Variants in INPP4B observed in about 807,000 individuals in gnomAD.
INPP4B encodes inositol polyphosphate-4-phosphatase type II B.
In INPP4B, 55 loss-of-function variants were observed where a neutral mutation model predicts 122.5. That is an observed-to-expected ratio of 0.45 (90% confidence interval 0.36 to 0.56). The LOEUF (loss-of-function observed/expected upper bound fraction) is 0.56, where lower values mean the gene tolerates loss of function less well. Ranked by LOEUF, INPP4B falls within the 20% of genes least tolerant of loss-of-function variation. INPP4B has a pLI of 0.00. For missense variants in INPP4B, 1,000 were observed against 1,097.7 expected, an observed-to-expected ratio of 0.91 and a Z score of 1.26; for synonymous variants, 403 against 388.7, an observed-to-expected ratio of 1.04 and a Z score of -0.43.
At chr4:142,176,958 C>T (rs1828602693) in intron 15 of INPP4B, among the ~76,000 whole-genome samples, 1 of 152,160 alleles carries the variant, frequency 6.6e-6, no homozygotes, top group Non-Finnish European at 1.5e-5. Context: ...CTTTGGTTCC[C>T]TCTTCATTAC....
At chr4:142,555,506 A>T (rs181568382) in intron 2 of INPP4B, among the ~76,000 whole-genome samples, 35 of 152,310 alleles carry the variant, frequency 2.3e-4, no homozygotes, top group Middle Eastern at 6.8e-3. Context: ...GGTATTTTAC[A>T]GTTGATTTAT....
chr4:142,734,667 T>A (rs930983761), intron 1 of INPP4B, among the ~76,000 whole-genome samples: 71 of 152,294 alleles, frequency 4.7e-4, no homozygotes, highest in African/African-American at 1.5e-3. Flanking sequence ...TGTTTTCAGA[T>A]GGAGTTTCAC....
intron 2 of INPP4B, among the ~76,000 whole-genome samples, chr4:142,722,775 T>C (rs546565255): frequency 3.4e-4 from 52 of 152,304 alleles, no homozygotes; most frequent in Admixed American, 1.6e-3. Context: ...ATATCAGACA[T>C]AGAACCTAAT....
chr4:142,804,056 CATAAATAAATAA>C (rs369611706), intron 1 of INPP4B, among the ~76,000 whole-genome samples: 2,591 of 141,724 alleles, frequency 0.018, 26 homozygotes, highest in African/African-American at 0.028. Flanking sequence ...GAGACTCCAT[CATAAATAAATAA>C]ATAAATAAAT....
intron 8 of INPP4B, among the ~76,000 whole-genome samples, chr4:142,310,617 G>A (rs894707494): frequency 6.6e-6 from 1 of 150,746 alleles, no homozygotes; most frequent in Non-Finnish European, 1.5e-5. Flanking sequence ...TCTATCATAA[G>A]ACTGATACAC....
rs943379363 is a variant in INPP4B, at chr4:142,335,684, G to A, written c.373-20922C>T. ...AGGCAGAGTCAATCATCAAAGGGCA[G>A]AACATAGAGGAAAGTCAGTTAACTT... On this transcript the variant is annotated intron_variant, in intron 7 of 25. Transcript: ENST00000262992. Among the ~76,000 whole-genome samples, 5 of 152,312 alleles carry A rather than the reference G, an allele frequency of 3.3e-5. No individual in the cohort carries two copies. The South Asian group carries it at 1.0e-3, about 32-fold the overall frequency.
At chr4:142,491,742 G>A (rs1364502804) in intron 2 of INPP4B, among the ~76,000 whole-genome samples, 1 of 152,114 alleles carries the variant, frequency 6.6e-6, no homozygotes, top group Non-Finnish European at 1.5e-5. Context: ...TGAAAAAAAT[G>A]CTCACCATCA....
chr4:142,559,481 C>A (rs1175573205), intron 2 of INPP4B, among the ~76,000 whole-genome samples: 1 of 151,986 alleles, frequency 6.6e-6, no homozygotes, highest in African/African-American at 2.4e-5. Flanking sequence ...GGGCACTTAC[C>A]TCTCATTTTT....
rs114476042 is a variant in INPP4B at position 142,675,781 on chromosome 4, T to A, written c.-191+50058A>T. Among the ~76,000 whole-genome samples, 1,393 of 152,274 alleles carry A rather than the reference T, an allele frequency of 9.1e-3. 20 individuals carry two copies. The highest frequency in any genetic ancestry group is 0.032 in the African/African-American group (1,331 of 41,562). Reference sequence around the variant, plus strand: ...ATCTTAATAGATGCAGAAAAGGACTTTGACAAAACTCAACATCCTTCATGC... The same window carrying A: ...ATCTTAATAGATGCAGAAAAGGACTATGACAAAACTCAACATCCTTCATGC... On this transcript the variant is annotated intron_variant, in intron 2 of 25. Coordinates refer to ENST00000262992, the MANE Select transcript of INPP4B (RefSeq NM_001101669.3).
intron 10 of INPP4B, among the ~76,000 whole-genome samples, chr4:142,262,988 GAC>G (rs1487162979): frequency 6.6e-6 from 1 of 152,170 alleles, no homozygotes; most frequent in Non-Finnish European, 1.5e-5. Flanking sequence ...TCATCAGTAA[GAC>G]ATTTTCTTTC....
chr4:142,145,718 G>A lies in INPP4B; in HGVS notation c.1720+122C>T, dbSNP rs142573945. ...TCATCCAAGCCAGAGCAGTGGAAAA[G>A]CATGCTATCAGCACTCTCATCAAAG... On this transcript the variant is annotated intron_variant, in intron 18 of 25. Transcript: ENST00000262992. 3 of 910,998 alleles carry A rather than the reference G, an allele frequency of 3.3e-6. No individual in the cohort carries two copies. The Admixed American group carries it at 6.6e-5, about 20-fold the overall frequency. The allele number at this position is 910,998 out of a possible 1,614,324, so 56.4% of individuals were successfully genotyped here. A position where few individuals can be genotyped will look rare whatever the true frequency, so the allele number is the denominator to read the frequency against.
intron 2 of INPP4B, among the ~76,000 whole-genome samples, chr4:142,516,231 A>T (rs1825398652): frequency 6.6e-6 from 1 of 152,164 alleles, no homozygotes; most frequent in South Asian, 2.1e-4. Flanking sequence ...TAATCCCAGG[A>T]TATAGCCCAA....
intron 15 of INPP4B, among the ~76,000 whole-genome samples, chr4:142,189,724 A>C (rs908440950): frequency 6.6e-6 from 1 of 152,212 alleles, no homozygotes; most frequent in Non-Finnish European, 1.5e-5. Flanking sequence ...AAATACATGA[A>C]GCCCACTTAG....
At chr4:142,029,322 TTTA>T (rs1468408119) in intron 25 of INPP4B, 15 of 985,608 alleles carry the variant, frequency 1.5e-5, no homozygotes, top group African/African-American at 1.7e-5. Flanking sequence ...AGGCATTTAA[TTTA>T]TTAAGTCTGG....
intron 2 of INPP4B, among the ~76,000 whole-genome samples, chr4:142,551,480 A>G (rs528643870): frequency 6.6e-6 from 1 of 152,294 alleles, no homozygotes; most frequent in South Asian, 2.1e-4. Flanking sequence ...AAATGTCCAA[A>G]AGCACATTTT....
intron 25 of INPP4B, among the ~76,000 whole-genome samples, chr4:142,039,366 T>C (rs1188108353): frequency 6.6e-6 from 1 of 152,220 alleles, no homozygotes; most frequent in Non-Finnish European, 1.5e-5. Context: ...TATTAATTTT[T>C]CACTATCACT....
At chr4:142,705,811 G>A (rs547410159) in intron 2 of INPP4B, among the ~76,000 whole-genome samples, 56 of 152,338 alleles carry the variant, frequency 3.7e-4, no homozygotes, top group African/African-American at 1.3e-3. Context: ...TTATAATGCT[G>A]TCAAATAGTT....
chr4:142,786,352 A>T (rs1775762250), intron 1 of INPP4B, among the ~76,000 whole-genome samples: 2 of 152,200 alleles, frequency 1.3e-5, no homozygotes, highest in Non-Finnish European at 2.9e-5. Context: ...AAGCTGGAAC[A>T]ATTTAAGCAA....
At chr4:142,803,188 AAAG>A (rs1429980847) in intron 1 of INPP4B, among the ~76,000 whole-genome samples, 19 of 136,646 alleles carry the variant, frequency 1.4e-4, no homozygotes, top group African/African-American at 2.6e-4. Flanking sequence ...AAAAAAAAAG[AAAG>A]AAAGAAAGAA....
Sources: allele counts gnomAD v4.1 joint callset (sites outside exome capture counted in the v4.1 genomes callset), GRCh38; gene constraint gnomAD v4.1.1; transcripts MANE v1.5; gene names NCBI Gene and HGNC (gene_info 2026-07-23, HGNC 2026-07-21).